Variants in NAV2 observed in about 807,000 individuals in gnomAD.
NAV2 encodes neuron navigator 2.
A neutral mutation model predicts 223.2 loss-of-function variants in NAV2; 54 were observed. The ratio of observed to expected loss-of-function variants is 0.24; its 90% CI spans 0.19 to 0.30. The LOEUF (loss-of-function observed/expected upper bound fraction) is 0.30, where lower values mean the gene tolerates loss of function less well. NAV2 is among the 10% of genes least tolerant of loss of function. The probability of loss-of-function intolerance (pLI) is 1.00; values close to 1 mark genes in which losing one functional copy is unlikely to be tolerated. For synonymous variants in NAV2, 1,279 were observed against 1,239.3 expected, an observed-to-expected ratio of 1.03 and a Z score of -0.67; for missense variants, 2,806 against 3,147.5, an observed-to-expected ratio of 0.89 and a Z score of 2.60.
intron 1 of NAV2, among the ~76,000 whole-genome samples, chr11:19,757,968 C>G (rs1807168866): frequency 6.6e-6 from 1 of 152,198 alleles, no homozygotes; most frequent in Admixed American, 6.5e-5. Flanking sequence ...TTACCATCAT[C>G]ATTGCCCAGT....
intron 11 of NAV2, among the ~76,000 whole-genome samples, chr11:19,984,994 G>A (rs762504633): frequency 6.6e-5 from 10 of 152,164 alleles, no homozygotes; most frequent in Non-Finnish European, 1.3e-4. Flanking sequence ...TACCCTTAAT[G>A]ATCTGGCTGT....
chr11:19,693,201 G>A (rs571469860), intron 1 of NAV2, among the ~76,000 whole-genome samples: 18 of 152,208 alleles, frequency 1.2e-4, no homozygotes, highest in African/African-American at 1.7e-4. Context: ...GTGCCTCTGC[G>A]TGTGACTCTC....
chr11:20,007,598 C>A (rs2053192546), intron 11 of NAV2, among the ~76,000 whole-genome samples: 1 of 152,230 alleles, frequency 6.6e-6, no homozygotes, highest in Non-Finnish European at 1.5e-5. Context: ...TGCTGTTTTG[C>A]ACCCGGGTCA....
intron 10 of NAV2, 62 bp from the exon 11 acceptor site, chr11:19,984,063 T>C (rs996236229): frequency 1.9e-6 from 3 of 1,610,150 alleles, no homozygotes; most frequent in African/African-American, 1.3e-5. Context: ...TGGATATGAA[T>C]GCAAGCCTGG....
At chr11:19,572,103 C>G (rs1487396017) in intron 1 of NAV2, among the ~76,000 whole-genome samples, 1 of 152,240 alleles carries the variant, frequency 6.6e-6, no homozygotes, top group Non-Finnish European at 1.5e-5. Context: ...TGGGAAGATG[C>G]TCTTTTGGCC....
At chr11:19,586,550 G>C (rs531534459) in intron 1 of NAV2, among the ~76,000 whole-genome samples, 1 of 152,280 alleles carries the variant, frequency 6.6e-6, no homozygotes, top group South Asian at 2.1e-4. Flanking sequence ...CGTACATATG[G>C]GGTTTTGTTG....
At position 20,118,970 on chromosome 11, in the gene NAV2, G is replaced by A. The variant is rs1222216857; in HGVS notation, c.*712G>A. The A allele has an allele frequency of 6.5e-6, 1 of 152,716 alleles. No homozygotes were observed. The highest frequency in any genetic ancestry group is 2.4e-5 in the African/African-American group (1 of 41,450). The allele number at this position is 152,716 out of a possible 1,614,324, so 9.5% of individuals were successfully genotyped here. A position where few individuals can be genotyped will look rare whatever the true frequency, so the allele number is the denominator to read the frequency against. On this transcript the variant is annotated 3_prime_UTR_variant, in exon 38 of 38. Coordinates refer to ENST00000349880, the MANE Select transcript of NAV2 (RefSeq NM_145117.5). ...ATCAGCCTCTGATTAATATCCGTGA[G>A]AGTGAGTGACGGAGTGAGAGTGTGA...
intron 2 of NAV2, among the ~76,000 whole-genome samples, chr11:19,838,716 C>T (rs907715855): frequency 7.2e-5 from 11 of 152,198 alleles, no homozygotes; most frequent in Admixed American, 1.3e-4. Context: ...CTCTGCCTCC[C>T]GGGTTCAAGC....
intron 1 of NAV2, among the ~76,000 whole-genome samples, chr11:19,450,704 C>T (rs1851760766): frequency 6.6e-6 from 1 of 152,216 alleles, no homozygotes; most frequent in Non-Finnish European, 1.5e-5. Context: ...ATAACCTATA[C>T]AACTTCGTCA....
At chr11:20,014,686 G>A (rs564129438) in intron 11 of NAV2, among the ~76,000 whole-genome samples, 3 of 152,290 alleles carry the variant, frequency 2.0e-5, no homozygotes. Flanking sequence ...TGGATCACCT[G>A]AGGTCAGGAG....
chr11:19,823,211 A>G (rs1360580691), intron 1 of NAV2, among the ~76,000 whole-genome samples: 1 of 151,926 alleles, frequency 6.6e-6, no homozygotes, highest in Non-Finnish European at 1.5e-5. Context: ...CACCTGGCTA[A>G]TTTATTTTAT....
Position 19,704,989 on chromosome 11 carries a change from C to T in NAV2, c.76-127495C>T, listed in dbSNP as rs575911977. Among the ~76,000 whole-genome samples, 200 of 131,786 alleles carry T rather than the reference C, an allele frequency of 1.5e-3. 2 individuals are homozygous for T. Among genetic ancestry groups the T allele is most frequent in the Middle Eastern group, 5.4e-3 (1 of 184 alleles). 86.5% of individuals were successfully genotyped at this position (131,786 alleles called of 152,430 possible). On this transcript the variant is annotated intron_variant, in intron 1 of 37. Coordinates refer to the NAV2 transcript ENST00000360655. ...TCATGCCACTGCACTCCAGCCTGGGCGACAGAGTGAGACTCCGTCTCAAAA... is the reference window on the plus strand; with the variant it reads ...TCATGCCACTGCACTCCAGCCTGGGTGACAGAGTGAGACTCCGTCTCAAAA...
Position 19,396,809 on chromosome 11 carries a change from T to A in NAV2, c.75+45782T>A, listed in dbSNP as rs544384602. Among the ~76,000 whole-genome samples the A allele has an allele frequency of 1.2e-4, 18 of 152,306 alleles. 1 individual carries two copies. In the South Asian group the frequency reaches 1.7e-3, roughly 14 times the overall value. On this transcript the variant is annotated intron_variant, in intron 1 of 37. Transcript: ENST00000360655. ...ATGCTTATTTAAACTCCCACAGAGA[T>A]CTCTAGTAATGTAGAATTTTCACTT...
intron 6 of NAV2, among the ~76,000 whole-genome samples, chr11:19,896,706 A>G (rs1007352685): frequency 6.6e-6 from 1 of 152,220 alleles, no homozygotes; most frequent in Non-Finnish European, 1.5e-5. Flanking sequence ...AGTAAGTTAA[A>G]TTAGAATTTC....
At chr11:19,822,283 A>G (rs1374435940) in intron 1 of NAV2, among the ~76,000 whole-genome samples, 1 of 152,208 alleles carries the variant, frequency 6.6e-6, no homozygotes, top group Non-Finnish European at 1.5e-5. Flanking sequence ...AAATGCTTGG[A>G]GCATGTTTGG....
At chr11:20,068,249 T>C in intron 21 of NAV2, 40 bp downstream of exon 21, 1 of 1,611,856 alleles carries the variant, frequency 6.2e-7, no homozygotes, top group Non-Finnish European at 8.5e-7. Context: ...TCTTTAAGTA[T>C]TGTCAATTAT....
intron 1 of NAV2, among the ~76,000 whole-genome samples, chr11:19,526,007 A>AGGTTTG (rs2043832342): frequency 2.0e-5 from 3 of 152,122 alleles, no homozygotes; most frequent in African/African-American, 7.2e-5. Flanking sequence ...GGAGGTGCAA[A>AGGTTTG]GGTTTGGGTG....
rs2050042798 is a variant in NAV2 at position 19,713,848 on chromosome 11, C to T, written c.153C>T (p.Thr51=). 5 of 1,613,602 alleles carry T rather than the reference C, an allele frequency of 3.1e-6. No homozygotes were observed. In the East Asian group the frequency reaches 6.7e-5, roughly 22 times the overall value. ...GCAAGGTGGAGGTGAGCAAGACCAC[C>T]TATCCTAGCCAGATCCCCCTGAAAT... The part of the protein sequence containing the change: ...LGSKVEVSKT[T]YPSQIPLKSQ... Residue 51 remains threonine, a synonymous_variant, in exon 1 of 38, where the codon ACC becomes ACT. Coordinates refer to ENST00000349880, the MANE Select transcript of NAV2 (RefSeq NM_145117.5). The surrounding 1 kb of genome is among the most constrained non-coding windows in gnomAD (Gnocchi z 7.2).
In NAV2 at chr11:19,713,535, G is replaced by A; in HGVS notation, c.-161G>A. 1 of 1,400,908 alleles carries A rather than the reference G, an allele frequency of 7.1e-7. No homozygotes were observed. Among genetic ancestry groups the A allele is most frequent in the Admixed American group, 3.1e-5 (1 of 32,440 alleles). The allele number at this position is 1,400,908 out of a possible 1,614,324, so 86.8% of individuals were successfully genotyped here. On this transcript the variant is annotated 5_prime_UTR_variant, in exon 1 of 38. Coordinates refer to ENST00000349880, the MANE Select transcript of NAV2 (RefSeq NM_145117.5). This position sits in a 1 kb window ranked among gnomAD's most constrained non-coding sequence, Gnocchi z 7.2. ...ACCCCAAAGGCGCGCTCGCCCGATT[G>A]CTTCGAGTTCCCCGACCTGGGGATT...
Sources: allele counts gnomAD v4.1 joint callset (sites outside exome capture counted in the v4.1 genomes callset), GRCh38; gene constraint gnomAD v4.1.1; non-coding constraint Gnocchi (gnomAD v3.1); transcripts MANE v1.5; gene names NCBI Gene and HGNC (gene_info 2026-07-23, HGNC 2026-07-21).